The following PTPN21 variants were observed in gnomAD, a reference collection of about 807,000 sequenced individuals.
PTPN21 encodes tyrosine-protein phosphatase non-receptor type 21.
A neutral mutation model predicts 131.8 loss-of-function variants in PTPN21; 77 were observed. The ratio of observed to expected loss-of-function variants is 0.58; its 90% CI spans 0.49 to 0.71. PTPN21 has a LOEUF of 0.71. PTPN21 is among the 30% of genes least tolerant of loss of function. The pLI, the probability that PTPN21 is intolerant of heterozygous loss-of-function variation, is 0.00. For synonymous variants in PTPN21, 715 were observed against 621.3 expected, an observed-to-expected ratio of 1.15 and a Z score of -2.24; for missense variants, 1,552 against 1,527.1, an observed-to-expected ratio of 1.02 and a Z score of -0.27.
At chr14:88,551,661 G>A (rs1022748065) in intron 1 of PTPN21, 1 of 152,306 alleles carries the variant, frequency 6.6e-6, no homozygotes, top group Admixed American at 6.5e-5. Flanking sequence ...GGAGCCACAG[G>A]ACCTCAAAAT....
intron 12 of PTPN21, among the ~76,000 whole-genome samples, chr14:88,483,486 A>G (rs533791215): frequency 7.2e-5 from 11 of 152,176 alleles, no homozygotes; most frequent in African/African-American, 2.7e-4. Context: ...CCTGCTCTCT[A>G]CTACCCACCT....
intron 15 of PTPN21, among the ~76,000 whole-genome samples, chr14:88,471,325 T>C (rs2077463870): frequency 6.6e-6 from 1 of 152,210 alleles, no homozygotes; most frequent in African/African-American, 2.4e-5. Context: ...GTGGCCAGCA[T>C]GAACAAAGGG....
At chr14:88,473,518 A>G (rs527273298) in intron 14 of PTPN21, 147 bp downstream of exon 14, 13 of 931,072 alleles carry the variant, frequency 1.4e-5, no homozygotes, top group African/African-American at 1.4e-4. Context: ...ATTTGCCCCA[A>G]TTTTGAGGCC....
intron 2 of PTPN21, among the ~76,000 whole-genome samples, chr14:88,546,688 T>C (rs564532196): frequency 3.3e-5 from 5 of 152,186 alleles, no homozygotes; most frequent in African/African-American, 1.2e-4. Context: ...TCCACCCAAA[T>C]CTATATGCGA....
chr14:88,500,916 AGAGGAAC>A, intron 7 of PTPN21, 45 bp from the exon 8 acceptor site: 1 of 1,359,742 alleles, frequency 7.4e-7, no homozygotes, highest in Non-Finnish European at 1.1e-6. Flanking sequence ...AAGCAGATGC[AGAGGAAC>A]TGCTGCTAGA....
rs1026768968 is a variant in PTPN21, at chr14:88,466,739, G to A, written c.*1398C>T. 1 of 143,742 alleles carries A rather than the reference G, an allele frequency of 7.0e-6. No homozygotes were observed. Among genetic ancestry groups the A allele is most frequent in the African/African-American group, 2.6e-5 (1 of 38,704 alleles). The allele number at this position is 143,742 out of a possible 1,614,324, so 8.9% of individuals were successfully genotyped here. A position where few individuals can be genotyped will look rare whatever the true frequency, so the allele number is the denominator to read the frequency against. On this transcript the variant is annotated 3_prime_UTR_variant, in exon 19 of 19. Coordinates refer to ENST00000556564, the MANE Select transcript of PTPN21 (RefSeq NM_007039.4). ...TGTGCCTAAATGGGATGGGTGAGGG[G>A]GCACTAAACAGCTAACACTGGCCAG...
chr14:88,508,089 A>G lies in PTPN21; in HGVS notation c.351-69T>C, dbSNP rs1392351779. 1.9e-5 allele frequency: 15 copies of G among 809,846 alleles called. No individual in the cohort carries two copies. The Admixed American group carries it at 3.5e-4, about 19-fold the overall frequency. The allele number at this position is 809,846 out of a possible 1,614,324, so 50.2% of individuals were successfully genotyped here. A position where few individuals can be genotyped will look rare whatever the true frequency, so the allele number is the denominator to read the frequency against. On this transcript the variant is annotated intron_variant, in intron 3 of 18. Coordinates refer to ENST00000556564, the MANE Select transcript of PTPN21 (RefSeq NM_007039.4). ...TCATTGAGATACAATGCATTTAACC[A>G]TAATTTGGTAGAGAAGCATAAACCA...
At chr14:88,514,124 C>T (rs1394391381) in intron 3 of PTPN21, 1 of 152,204 alleles carries the variant, frequency 6.6e-6, no homozygotes, top group African/African-American at 2.4e-5. Context: ...TGCCTTAGAT[C>T]ATACTGTTAG....
intron 2 of PTPN21, among the ~76,000 whole-genome samples, chr14:88,532,402 CTA>C (rs1170954187): frequency 1.3e-5 from 2 of 152,118 alleles, no homozygotes; most frequent in African/African-American, 2.4e-5. Context: ...ATAGACGAGC[CTA>C]TGAGTTCATT....
At chr14:88,509,325 G>C (rs80019632) in intron 3 of PTPN21, among the ~76,000 whole-genome samples, 1 of 152,158 alleles carries the variant, frequency 6.6e-6, no homozygotes, top group East Asian at 1.9e-4. Context: ...ACTGTCCTCC[G>C]TATCTGGTGC....
chr14:88,471,444 T>C (rs2077466054), intron 15 of PTPN21, among the ~76,000 whole-genome samples: 2 of 152,046 alleles, frequency 1.3e-5, no homozygotes, highest in African/African-American at 2.4e-5. Flanking sequence ...GCCAAGAACA[T>C]ACACTAGGGA....
chr14:88,537,589 A>G (rs950017242), intron 2 of PTPN21, among the ~76,000 whole-genome samples: 11 of 152,222 alleles, frequency 7.2e-5, no homozygotes, highest in African/African-American at 2.4e-4. Flanking sequence ...ATAGGGAAAA[A>G]TAGACAAGCA....
At position 88,466,256 on chromosome 14, in the gene PTPN21, A is replaced by AT. The variant is rs577651830; in HGVS notation, c.*1880dup. The stretch of plus-strand genomic sequence containing the variant: ...TTACATTTTGTTCCTACAAAATGTA[A>AT]TTTTTTAATTTTGTAAAATAAAAAT... On this transcript the variant is annotated 3_prime_UTR_variant, in exon 19 of 19. Transcript: ENST00000556564. The AT allele has an allele frequency of 6.6e-6, 1 of 152,098 alleles. No individual in the cohort carries two copies. The allele number at this position is 152,098 out of a possible 1,614,324, so 9.4% of individuals were successfully genotyped here. A position where few individuals can be genotyped will look rare whatever the true frequency, so the allele number is the denominator to read the frequency against.
intron 2 of PTPN21, among the ~76,000 whole-genome samples, chr14:88,518,803 C>T (rs1431654149): frequency 6.6e-6 from 1 of 151,784 alleles, no homozygotes; most frequent in Non-Finnish European, 1.5e-5. Flanking sequence ...AGTGTTAAAC[C>T]AACTTTTCAC....
intron 2 of PTPN21, among the ~76,000 whole-genome samples, chr14:88,538,240 C>T (rs765714530): frequency 3.3e-5 from 5 of 152,234 alleles, no homozygotes; most frequent in Non-Finnish European, 7.3e-5. Context: ...GCAGCCAGCA[C>T]TTCAACGGAC....
intron 8 of PTPN21, 127 bp from the exon 9 acceptor site, chr14:88,497,417 A>T (rs1363444489): frequency 7.0e-6 from 5 of 714,500 alleles, no homozygotes; most frequent in Non-Finnish European, 1.2e-5. Context: ...GAGAAAAACA[A>T]AAAACAAAAA....
At position 88,480,728 on chromosome 14, in the gene PTPN21, T is replaced by A. The variant is rs538345851; in HGVS notation, c.1079-376A>T. Among the ~76,000 whole-genome samples the A allele has an allele frequency of 4.3e-4, 66 of 152,350 alleles. 1 individual carries two copies. In the South Asian group the frequency reaches 0.012, roughly 28 times the overall value. On this transcript the variant is annotated intron_variant, in intron 12 of 18. Transcript: ENST00000556564. ...TCCCTGGGTAGGGATGTGGCCTTGC[T>A]GCTGCTGAGCTAGTTCAAGCACCAA... is the stretch of plus-strand genomic sequence containing the variant.
intron 2 of PTPN21, among the ~76,000 whole-genome samples, chr14:88,524,303 C>G (rs534620951): frequency 1.3e-5 from 2 of 152,184 alleles, no homozygotes; most frequent in East Asian, 3.9e-4. Flanking sequence ...AATAGAGAGT[C>G]TAGAAATGAA....
chr14:88,537,516 G>A (rs1243959250), intron 2 of PTPN21, among the ~76,000 whole-genome samples: 1 of 152,028 alleles, frequency 6.6e-6, no homozygotes, highest in African/African-American at 2.4e-5. Context: ...CACTGTTCTG[G>A]GAACTAGGAA....
Sources: gnomAD v4.1 joint callset for allele counts (sites outside exome capture counted in the v4.1 genomes callset) on GRCh38, gnomAD v4.1.1 for gene constraint, MANE v1.5 for transcripts, NCBI Gene and HGNC (gene_info 2026-07-23, HGNC 2026-07-21) for gene names.